The following VPS45 variants were observed in gnomAD, a reference collection of about 807,000 sequenced individuals.
VPS45 encodes the protein vacuolar protein sorting-associated protein 45.
In VPS45, 35 loss-of-function variants were observed where a neutral mutation model predicts 75.9. That is an observed-to-expected ratio of 0.46 (90% CI 0.35 to 0.61). VPS45 has a LOEUF of 0.61. Ranked by LOEUF, VPS45 falls within the 20% of genes least tolerant of loss-of-function variation. VPS45 has a pLI of 0.00. For synonymous variants in VPS45, 220 were observed against 238.2 expected (o/e 0.92, Z 0.70); for missense variants, 559 against 685.9 (o/e 0.81, Z 2.07).
In VPS45 at chr1:150,126,964, T is replaced by C. The variant is rs587687956; in HGVS notation, c.1625+16337T>C. ...AATAGTTTCTCACTGCATAATTCAA[T>C]GTTATTTAATGCCATGCCCCAGAAC... On this transcript the variant is annotated intron_variant, in intron 14 of 14. Coordinates refer to ENST00000644510, the MANE Select transcript of VPS45 (RefSeq NM_007259.5). Among the ~76,000 whole-genome samples the C allele has an allele frequency of 4.6e-5, 7 of 152,340 alleles. No homozygotes were observed. The East Asian group carries it at 1.2e-3, about 25-fold the overall frequency.
intron 13 of VPS45, among the ~76,000 whole-genome samples, chr1:150,099,689 C>T (rs1328811648): frequency 6.6e-6 from 1 of 151,706 alleles, no homozygotes; most frequent in Non-Finnish European, 1.5e-5. Flanking sequence ...AAAAATGAGC[C>T]AGGTGTGGTG....
chr1:150,110,417 A>G, intron 13 of VPS45, 79 bp from the exon 14 acceptor site: 1 of 1,371,180 alleles, frequency 7.3e-7, no homozygotes, highest in Non-Finnish European at 9.8e-7. Flanking sequence ...AAGATTTAGA[A>G]ATTAAAACTC....
At chr1:150,077,569 A>C (rs896131313) in intron 6 of VPS45, 100 bp from the exon 7 acceptor site, 1 of 859,550 alleles carries the variant, frequency 1.2e-6, no homozygotes, top group African/African-American at 1.7e-5. Context: ...TGTGGGTGCA[A>C]AGAACTATTG....
At chr1:150,097,163 C>G (rs1204144127) in intron 13 of VPS45, among the ~76,000 whole-genome samples, 1 of 150,426 alleles carries the variant, frequency 6.6e-6, no homozygotes, top group African/African-American at 2.4e-5. Flanking sequence ...TCTCGGCTCA[C>G]TGCAATCCCC....
rs782039324 is a variant in VPS45, at chr1:150,074,955, C to CTTTT, written c.290-1257_290-1254dup. Among the ~76,000 whole-genome samples the CTTTT allele has an allele frequency of 5.8e-3, 473 of 81,108 alleles. 27 individuals carry two copies. Among genetic ancestry groups the CTTTT allele is most frequent in the Admixed American group, 7.3e-3 (37 of 5,090 alleles). The allele number at this position is 81,108 out of a possible 152,430, so 53.2% of individuals were successfully genotyped here. On this transcript the variant is annotated intron_variant, in intron 3 of 14. Coordinates refer to ENST00000644510, the MANE Select transcript of VPS45 (RefSeq NM_007259.5). ...TAAAAGTGAAAAATAATTATTTATT[C>CTTTT]TTTTTTTTTTTTTTTTTTTTTTTTG...
chr1:150,113,169 T>C (rs1482003026), intron 14 of VPS45, among the ~76,000 whole-genome samples: 4 of 152,078 alleles, frequency 2.6e-5, no homozygotes, highest in Non-Finnish European at 4.4e-5. Context: ...GGCTTGGCCT[T>C]TCCGGCAACT....
At chr1:150,090,648 A>G (rs1394784493) in intron 10 of VPS45, among the ~76,000 whole-genome samples, 2 of 152,212 alleles carry the variant, frequency 1.3e-5, no homozygotes, top group African/African-American at 4.8e-5. Flanking sequence ...TGCACCTAGA[A>G]ATAGAGCCAG....
At chr1:150,103,909 G>T (rs1319263595) in intron 13 of VPS45, among the ~76,000 whole-genome samples, 1 of 152,114 alleles carries the variant, frequency 6.6e-6, no homozygotes, top group Non-Finnish European at 1.5e-5. Context: ...GCAAAGGAAA[G>T]ATTCCCTCCC....
At chr1:150,067,525 G>A, upstream of VPS45, 1 of 310,282 alleles carries the variant, frequency 3.2e-6, no homozygotes, top group Non-Finnish European at 5.9e-6. Context: ...ACTCTCTTGG[G>A]CTTCAGGCTG....
At chr1:150,073,033 C>T (rs782490966) in intron 3 of VPS45, among the ~76,000 whole-genome samples, 84 of 152,166 alleles carry the variant, frequency 5.5e-4, no homozygotes, top group Middle Eastern at 3.4e-3. Flanking sequence ...CTCTTATGTG[C>T]ACAACTTTCT....
intron 14 of VPS45, among the ~76,000 whole-genome samples, chr1:150,118,661 C>T (rs1474537118): frequency 6.6e-6 from 1 of 152,160 alleles, no homozygotes; most frequent in Non-Finnish European, 1.5e-5. Context: ...CTGCCTTGGC[C>T]TCCCAAAGTG....
chr1:150,072,327 T>C (rs1655121576), intron 3 of VPS45, 101 bp downstream of exon 3: 2 of 837,384 alleles, frequency 2.4e-6, no homozygotes, highest in East Asian at 5.7e-5. Flanking sequence ...AATCTGTCAC[T>C]ATAAAAGTCT....
At chr1:150,097,242 T>C (rs1405374932) in intron 13 of VPS45, among the ~76,000 whole-genome samples, 2 of 151,358 alleles carry the variant, frequency 1.3e-5, no homozygotes, top group African/African-American at 4.8e-5. Flanking sequence ...CATGCCACCA[T>C]GCCTGGCTAA....
chr1:150,068,689 C>G lies in VPS45; in HGVS notation c.153C>G (p.Leu51=), dbSNP rs1553796338. The G allele has an allele frequency of 2.5e-6, 4 of 1,613,386 alleles. No individual in the cohort carries two copies. Among genetic ancestry groups the G allele is most frequent in the Non-Finnish European group, 3.4e-6 (4 of 1,179,680 alleles). Residue 51 remains leucine (L), a synonymous_variant, in exon 2 of 15, where the codon CTC becomes CTG. Coordinates refer to ENST00000644510, the MANE Select transcript of VPS45 (RefSeq NM_007259.5). ...QSEILQKEVY[L]FERIDSQNRE... ...AGATTCTACAGAAGGAAGTGTACCT[C>G]TTTGAACGCATTGATTCTCAAAATC... is the stretch of plus-strand genomic sequence containing the variant.
chr1:150,109,190 C>T (rs1657505199), intron 13 of VPS45: 2 of 152,070 alleles, frequency 1.3e-5, no homozygotes, highest in Admixed American at 1.3e-4. Context: ...TAGCACTACG[C>T]CCAGCTAATT....
At position 150,082,854 on chromosome 1, in the gene VPS45, T is replaced by G; in HGVS notation, c.1075T>G (p.Cys359Gly). Residue 359 changes from cysteine (C) to glycine (G), a missense_variant, in exon 10 of 15, where the codon TGT becomes GGT. Cys to Gly is a radical substitution (Grantham distance 159). Transcript: ENST00000644510. ...EVSEVEQELA[C>G]QNDHSSALQN... ...TTCAGAGGTTGAGCAAGAACTGGCC[T>G]GTCAAAATGACCATTCTAGTGCTCT... 6.2e-7 allele frequency: 1 copy of G among 1,614,158 alleles called. No homozygotes were observed. Among genetic ancestry groups the G allele is most frequent in the Non-Finnish European group, 8.5e-7 (1 of 1,180,004 alleles).
chr1:150,068,358 T>A, intron 1 of VPS45: 2 of 377,456 alleles, frequency 5.3e-6, no homozygotes, highest in Non-Finnish European at 9.4e-6. Context: ...CTCTTTAAGG[T>A]GATAGAAAAA....
chr1:150,073,153 T>C (rs74127407), intron 3 of VPS45, among the ~76,000 whole-genome samples: 4,102 of 152,270 alleles, frequency 0.027, 162 homozygotes, highest in African/African-American at 0.093. Context: ...AAGTTACATC[T>C]ATTCTCCTCT....
At chr1:150,102,536 A>C (rs1209534286) in intron 13 of VPS45, among the ~76,000 whole-genome samples, 1 of 101,460 alleles carries the variant, frequency 9.9e-6, no homozygotes, top group Non-Finnish European at 2.0e-5. Flanking sequence ...GCAATGAACG[A>C]AACTCTGTCT....
Sources: gnomAD v4.1 joint callset for allele counts (sites outside exome capture counted in the v4.1 genomes callset) on GRCh38, gnomAD v4.1.1 for gene constraint, MANE v1.5 for transcripts, NCBI Gene and HGNC (gene_info 2026-07-23, HGNC 2026-07-21) for gene names.